The following TAFA2 variants were observed in gnomAD, a reference collection of about 807,000 sequenced individuals.
TAFA2 encodes the protein TAFA chemokine like family member 2.
In TAFA2, 7 loss-of-function variants were observed where a neutral mutation model predicts 18.8. That is an observed-to-expected ratio of 0.37 (90% CI 0.21 to 0.70). The LOEUF (loss-of-function observed/expected upper bound fraction) is 0.70. TAFA2 is among the 30% of genes least tolerant of loss of function. TAFA2 has a pLI of 0.53. For synonymous variants in TAFA2, 60 were observed against 54.2 expected, an observed-to-expected ratio of 1.11 and a Z score of -0.47; for missense variants, 122 against 158.1, an observed-to-expected ratio of 0.77 and a Z score of 1.23.
At chr12:62,134,248 A>G (rs1592357073) in intron 1 of TAFA2, among the ~76,000 whole-genome samples, 1 of 152,034 alleles carries the variant, frequency 6.6e-6, no homozygotes, top group East Asian at 1.9e-4. Context: ...GAGCCCTAAT[A>G]CCCAATATGA....
At chr12:61,785,543 A>G (rs1033555082) in intron 2 of TAFA2, among the ~76,000 whole-genome samples, 5 of 151,472 alleles carry the variant, frequency 3.3e-5, no homozygotes, top group Non-Finnish European at 7.4e-5. Context: ...GATTATTTCT[A>G]CTTGTTGGCA....
intron 1 of TAFA2, among the ~76,000 whole-genome samples, chr12:62,045,234 T>C (rs1159533368): frequency 1.3e-5 from 2 of 152,196 alleles, no homozygotes; most frequent in Non-Finnish European, 2.9e-5. Flanking sequence ...GTTGCCCTGT[T>C]CATTTCCAAC....
chr12:61,743,884 A>C (rs1157227108), intron 4 of TAFA2, among the ~76,000 whole-genome samples: 1 of 152,064 alleles, frequency 6.6e-6, no homozygotes, highest in Non-Finnish European at 1.5e-5. Context: ...CATATTTTTT[A>C]ATAGGAGGTT....
intron 1 of TAFA2, among the ~76,000 whole-genome samples, chr12:62,129,366 G>T (rs1870590781): frequency 1.3e-5 from 2 of 151,932 alleles, no homozygotes; most frequent in South Asian, 4.1e-4. Flanking sequence ...GAATAATTTT[G>T]TCTATAAGAA....
At chr12:61,802,149 C>T (rs1871423247) in intron 2 of TAFA2, among the ~76,000 whole-genome samples, 1 of 152,010 alleles carries the variant, frequency 6.6e-6, no homozygotes, top group Non-Finnish European at 1.5e-5. Flanking sequence ...AACTCTTACA[C>T]ATCACTGGTG....
At chr12:61,786,774 C>G (rs560767798) in intron 2 of TAFA2, among the ~76,000 whole-genome samples, 25 of 151,148 alleles carry the variant, frequency 1.7e-4, no homozygotes, top group Non-Finnish European at 2.8e-4. Flanking sequence ...TAATACTATA[C>G]GTGAAAGAGT....
chr12:61,745,277 T>C (rs1159146829), intron 4 of TAFA2, among the ~76,000 whole-genome samples: 1 of 152,110 alleles, frequency 6.6e-6, no homozygotes, highest in Non-Finnish European at 1.5e-5. Flanking sequence ...TCTATTTGTT[T>C]AGGACAAAAG....
chr12:61,907,286 C>T lies in TAFA2; in HGVS notation c.-1-39860G>A, dbSNP rs116383219. Among the ~76,000 whole-genome samples, 315 of 151,992 alleles carry T rather than the reference C, an allele frequency of 2.1e-3. 1 individual carries two copies. The highest frequency in any genetic ancestry group is 7.3e-3 in the African/African-American group (304 of 41,540). The stretch of plus-strand genomic sequence containing the variant: ...ATAATTCTGTGGGCTGGGCCCAGTG[C>T]CCTACTCTTCTATGCAGCCTCAGGA... On this transcript the variant is annotated intron_variant, in intron 1 of 4. Coordinates refer to ENST00000416284, the MANE Select transcript of TAFA2 (RefSeq NM_178539.5).
chr12:62,152,600 T>G (rs990085241), intron 1 of TAFA2, among the ~76,000 whole-genome samples: 1 of 152,192 alleles, frequency 6.6e-6, no homozygotes, highest in Non-Finnish European at 1.5e-5. Context: ...ATGTGTGTTA[T>G]GCTATTCCAA....
chr12:62,178,084 G>A (rs758026227), intron 1 of TAFA2, among the ~76,000 whole-genome samples: 4 of 152,138 alleles, frequency 2.6e-5, no homozygotes, highest in Non-Finnish European at 5.9e-5. Flanking sequence ...AGGATCACTT[G>A]AGGCCAGGAG....
intron 1 of TAFA2, among the ~76,000 whole-genome samples, chr12:62,042,401 CTGTGTGTGTGTGTGTGTGTGTG>C (rs147189045): frequency 1.4e-5 from 2 of 144,002 alleles, no homozygotes; most frequent in African/African-American, 5.1e-5. Context: ...GCATTGAAGT[CTGTGTGTGTGTGTGTGTGTGTG>C]TGTGTGCGCG....
At chr12:61,975,514 CGTGTGTGT>C (rs3031098) in intron 1 of TAFA2, among the ~76,000 whole-genome samples, 2 of 136,560 alleles carry the variant, frequency 1.5e-5, no homozygotes, top group South Asian at 2.5e-4. Flanking sequence ...CAATAATATT[CGTGTGTGT>C]GTGTGTGTGT....
intron 1 of TAFA2, among the ~76,000 whole-genome samples, chr12:62,240,683 T>C (rs1215967006): frequency 2.0e-5 from 3 of 152,084 alleles, no homozygotes; most frequent in South Asian, 4.1e-4. Flanking sequence ...AAAAATAGCA[T>C]CCATTATAGA....
At chr12:61,880,902 C>A (rs1308042125) in intron 1 of TAFA2, 15 of 162,380 alleles carry the variant, frequency 9.2e-5, no homozygotes, top group Non-Finnish European at 1.3e-5. Flanking sequence ...CCTCAGCCCA[C>A]CCGCGGCGGG....
At chr12:62,093,406 G>A (rs760509699) in intron 1 of TAFA2, among the ~76,000 whole-genome samples, 2 of 151,964 alleles carry the variant, frequency 1.3e-5, no homozygotes, top group Non-Finnish European at 2.9e-5. Context: ...TTAATAGCAA[G>A]GTGCAGCACA....
At chr12:62,151,083 TATC>T (rs2062325119) in intron 1 of TAFA2, among the ~76,000 whole-genome samples, 1 of 152,198 alleles carries the variant, frequency 6.6e-6, no homozygotes, top group South Asian at 2.1e-4. Context: ...GGATCTTACA[TATC>T]AACCACATAA....
chr12:62,207,294 A>T (rs1402781770), intron 1 of TAFA2: 1 of 152,230 alleles, frequency 6.6e-6, no homozygotes, highest in East Asian at 1.9e-4. Context: ...TTCAATTTAC[A>T]AGATTAGGGA....
intron 1 of TAFA2, among the ~76,000 whole-genome samples, chr12:62,095,873 G>A (rs895382291): frequency 6.6e-6 from 1 of 152,248 alleles, no homozygotes; most frequent in African/African-American, 2.4e-5. Flanking sequence ...TCTTTCCCCA[G>A]AAAGCCTCTG....
chr12:61,738,913 G>A (rs2120690408), intron 4 of TAFA2, among the ~76,000 whole-genome samples: 1 of 152,102 alleles, frequency 6.6e-6, no homozygotes, highest in South Asian at 2.1e-4. Flanking sequence ...TGACTGCTGT[G>A]GAATAATAAT....
Sources: allele counts gnomAD v4.1 joint callset (sites outside exome capture counted in the v4.1 genomes callset), GRCh38; gene constraint gnomAD v4.1.1; transcripts MANE v1.5; gene names NCBI Gene and HGNC (gene_info 2026-07-23, HGNC 2026-07-21).